The following SEPTIN4 variants were observed in gnomAD, a reference collection of about 807,000 sequenced individuals.
The protein encoded by SEPTIN4 is septin 4.
In SEPTIN4, 52 loss-of-function variants were observed where a neutral mutation model predicts 107.1. The ratio of observed to expected loss-of-function variants is 0.49; its 90% CI spans 0.39 to 0.61. The LOEUF (loss-of-function observed/expected upper bound fraction) is 0.61, where lower values mean the gene tolerates loss of function less well. SEPTIN4 is among the 20% of genes least tolerant of loss of function. The pLI, the probability that SEPTIN4 is intolerant of heterozygous loss-of-function variation, is 0.00. For synonymous variants in SEPTIN4, 417 were observed against 467.0 expected (o/e 0.89, Z 1.38); for missense variants, 1,048 against 1,243.5 (o/e 0.84, Z 2.36).
chr17:58,542,421 C>T (rs2043905988), intron 1 of SEPTIN4, among the ~76,000 whole-genome samples: 1 of 152,184 alleles, frequency 6.6e-6, no homozygotes, highest in African/African-American at 2.4e-5. Context: ...CCGGCCCAAG[C>T]ATCCATCATC....
chr17:58,522,160 TG>T, intron 7 of SEPTIN4, 59 bp from the exon 8 acceptor site: 1 of 1,604,862 alleles, frequency 6.2e-7, no homozygotes, highest in Non-Finnish European at 8.5e-7. Context: ...TAGTGAGCTC[TG>T]GGACTACAGA....
chr17:58,521,488 C>G lies in SEPTIN4; in HGVS notation c.2571+57G>C. 1 of 1,594,908 alleles carries G rather than the reference C, an allele frequency of 6.3e-7. No homozygotes were observed. Among genetic ancestry groups the G allele is most frequent in the East Asian group, 2.2e-5 (1 of 44,744 alleles). On this transcript the variant is annotated intron_variant, in intron 10 of 13. Coordinates refer to ENST00000672673, the MANE Select transcript of SEPTIN4 (RefSeq NM_001368771.2). The surrounding 1 kb of genome is among the most constrained non-coding windows in gnomAD (Gnocchi z 6.4). Reference sequence around the variant, plus strand: ...GATAGCCTGAATATAGAATTCTACTCCCTTTTTCTACCCGGAAGAAATAAG... The same window carrying G: ...GATAGCCTGAATATAGAATTCTACTGCCTTTTTCTACCCGGAAGAAATAAG...
At position 58,526,801 on chromosome 17, in the gene SEPTIN4, G is replaced by A. The variant is rs757620357; in HGVS notation, c.1792C>T (p.Pro598Ser). ...DLYDDDLEFRPPSRPQSSDNQ... is the reference protein window; with the variant it reads ...DLYDDDLEFRSPSRPQSSDNQ... The stretch of plus-strand genomic sequence containing the variant: ...TCAGAGGACTGGGGCCGCGAGGGGG[G>A]TCTGAACTCCAGGTCATCATCATAG... Residue 598 changes from proline to serine, a missense_variant, in exon 4 of 14, where the codon CCC becomes TCC. By Grantham distance (74) the Pro-to-Ser change is moderately conservative. Around this residue, in one of 2 missense-constraint regions of SEPTIN4, gnomAD observed 787 missense variants for 871.8 expected, o/e 0.90. Transcript: ENST00000672673. 3 of 1,613,730 alleles carry A rather than the reference G, an allele frequency of 1.9e-6. No homozygotes were observed. Among genetic ancestry groups the A allele is most frequent in the African/African-American group, 1.3e-5 (1 of 74,992 alleles).
intron 3 of SEPTIN4, chr17:58,527,751 T>C (rs1449849046): frequency 2.5e-5 from 20 of 785,220 alleles, no homozygotes; most frequent in Non-Finnish European, 2.9e-5. Flanking sequence ...TGGGAAAGGC[T>C]GGGCCTCCAG....
intron 3 of SEPTIN4, chr17:58,539,268 C>A: frequency 8.8e-7 from 1 of 1,130,634 alleles, no homozygotes; most frequent in Admixed American, 2.7e-5. Flanking sequence ...GTTGCCAAGG[C>A]TTTTGACTTC....
rs193152470 is a variant in SEPTIN4, at chr17:58,524,877, G to C, written c.2216+201C>G. ...TAGAATCATAGGGCAGAATTGGAAG[G>C]AACATTAAAAATCATCTATTCCAAT... On this transcript the variant is annotated intron_variant, in intron 7 of 13. Coordinates refer to ENST00000672673, the MANE Select transcript of SEPTIN4 (RefSeq NM_001368771.2). 6.2e-6 allele frequency: 4 copies of C among 643,678 alleles called. No homozygotes were observed. In the East Asian group the frequency reaches 1.1e-4, roughly 18 times the overall value. 39.9% of individuals were successfully genotyped at this position (643,678 alleles called of 1,614,324 possible).
intron 3 of SEPTIN4, among the ~76,000 whole-genome samples, chr17:58,535,369 T>C (rs1567975075): frequency 6.6e-6 from 1 of 152,284 alleles, no homozygotes; most frequent in East Asian, 1.9e-4. Context: ...ACACCCTCCG[T>C]GAACAGGGCA....
At chr17:58,537,613 C>CCT in intron 3 of SEPTIN4, among the ~76,000 whole-genome samples, 1 of 152,214 alleles carries the variant, frequency 6.6e-6, no homozygotes, top group Non-Finnish European at 1.5e-5. Flanking sequence ...GGGTGGATCA[C>CCT]AAGGTCAGGA....
At chr17:58,540,610 T>C in intron 3 of SEPTIN4, 56 bp downstream of exon 3, 1 of 1,300,970 alleles carries the variant, frequency 7.7e-7, no homozygotes, top group Non-Finnish European at 9.8e-7. Flanking sequence ...GAGATGGATT[T>C]GGATTGTGGG....
chr17:58,521,611 G>A lies in SEPTIN4; in HGVS notation c.2505C>T (p.Ile835=), dbSNP rs757729640. 2.5e-6 allele frequency: 4 copies of A among 1,614,236 alleles called. No homozygotes were observed. Among genetic ancestry groups the A allele is most frequent in the South Asian group, 1.1e-5 (1 of 91,080 alleles). ...CAGAGTCACAGTCTGGGAATTGATA[G>A]ATCTTGATTCCAAAATGCTCAATCT... ...REEIEHFGIK[I]YQFPDCDSDE... Residue 835 remains isoleucine, a synonymous_variant, in exon 10 of 14, where the codon ATC becomes ATT. Coordinates refer to ENST00000672673, the MANE Select transcript of SEPTIN4 (RefSeq NM_001368771.2). The surrounding 1 kb of genome is among the most constrained non-coding windows in gnomAD (Gnocchi z 6.4).
chr17:58,534,291 T>C (rs997037734), intron 3 of SEPTIN4, among the ~76,000 whole-genome samples: 12 of 152,322 alleles, frequency 7.9e-5, no homozygotes, highest in Non-Finnish European at 2.9e-5. Flanking sequence ...ACTGCAGCAT[T>C]CGGAGAGCTC....
Position 58,520,860 on chromosome 17 carries a change from T to G in SEPTIN4, c.2832-18A>C. The stretch of plus-strand genomic sequence containing the variant: ...TCAGTTTGCTAAAGGGAGAAAAGGG[T>G]TGATAAGGCGAGGAGGACCCCAGCA... On this transcript the variant is annotated intron_variant, in intron 12 of 13. Coordinates refer to ENST00000672673, the MANE Select transcript of SEPTIN4 (RefSeq NM_001368771.2). The G allele has an allele frequency of 6.2e-7, 1 of 1,613,908 alleles. No individual in the cohort carries two copies. The highest frequency in any genetic ancestry group is 8.5e-7 in the Non-Finnish European group (1 of 1,179,952).
chr17:58,542,854 G>C lies in SEPTIN4; in HGVS notation c.1333C>G (p.Pro445Ala). 6.2e-7 allele frequency: 1 copy of C among 1,614,192 alleles called. No homozygotes were observed. Among genetic ancestry groups the C allele is most frequent in the Non-Finnish European group, 8.5e-7 (1 of 1,180,042 alleles). Residue 445 changes from proline (P) to alanine (A), a missense_variant, in exon 1 of 14, where the codon CCG becomes GCG. By Grantham distance (27) the Pro-to-Ala change is conservative. Coordinates refer to ENST00000672673, the MANE Select transcript of SEPTIN4 (RefSeq NM_001368771.2). ...GGAGAGCACTTAGGCTCAAAATCCG[G>C]TGTTGTCAGCTGGCTTTGGGGTGTT... ...VETPQSQLTT[P>A]DFEPKCSPSL...
intron 3 of SEPTIN4, among the ~76,000 whole-genome samples, chr17:58,528,850 C>T (rs1386596110): frequency 1.3e-5 from 2 of 152,142 alleles, no homozygotes; most frequent in Non-Finnish European, 1.5e-5. Context: ...TAATGAAGAT[C>T]CCTAGCCCCC....
chr17:58,526,558 A>G, intron 4 of SEPTIN4, 124 bp downstream of exon 4: 1 of 1,420,204 alleles, frequency 7.0e-7, no homozygotes, highest in Non-Finnish European at 9.1e-7. Context: ...TAGGTCCCAG[A>G]TACACACACA....
intron 7 of SEPTIN4, among the ~76,000 whole-genome samples, chr17:58,523,626 GA>G (rs1181537754): frequency 1.3e-5 from 2 of 151,550 alleles, no homozygotes; most frequent in African/African-American, 4.9e-5. Flanking sequence ...TGCTTGTTCT[GA>G]ATCCCTTAAA....
In SEPTIN4 at chr17:58,543,951, T is replaced by C; in HGVS notation, c.236A>G (p.His79Arg). Residue 79 changes from histidine (H) to arginine (R), a missense_variant, in exon 1 of 14, where the codon CAC (histidine) becomes CGC (arginine). By Grantham distance (29) the His-to-Arg change is conservative. Transcript: ENST00000672673. ...TCCCCGAGGAGTGGGTACTGCATAG[T>C]GTCCAGGTCCTGACTGGAGGGAGAC... Reference protein sequence around the residue: ...RSVSLQSGPGHYAVPTPRGPE... With the variant: ...RSVSLQSGPGRYAVPTPRGPE... 6.2e-7 allele frequency: 1 copy of C among 1,613,990 alleles called. No individual in the cohort carries two copies. The highest frequency in any genetic ancestry group is 8.5e-7 in the Non-Finnish European group (1 of 1,179,938).
chr17:58,527,857 G>C, intron 3 of SEPTIN4: 1 of 985,746 alleles, frequency 1.0e-6, no homozygotes, highest in South Asian at 4.7e-5. Context: ...GTGCACGAGA[G>C]GGCCTGGCCT....
intron 3 of SEPTIN4, chr17:58,539,199 G>T (rs1284005249): frequency 5.2e-6 from 8 of 1,528,592 alleles, no homozygotes; most frequent in Non-Finnish European, 7.0e-6. Flanking sequence ...TGCTGAACAG[G>T]GCTGGAGAGC....
Sources: gnomAD v4.1 joint callset for allele counts (sites outside exome capture counted in the v4.1 genomes callset) on GRCh38, gnomAD v4.1.1 for gene constraint, gnomAD v4.1.1 regional missense constraint, Gnocchi (gnomAD v3.1) non-coding constraint, MANE v1.5 for transcripts, NCBI Gene and HGNC (gene_info 2026-07-23, HGNC 2026-07-21) for gene names.